LUZP2: variants seen among roughly 807,000 people sequenced by gnomAD.
LUZP2 encodes the protein leucine zipper protein 2.
A neutral mutation model predicts 51.6 loss-of-function variants in LUZP2; 52 were observed. The observed-to-expected ratio is 1.01, with a 90% confidence interval of 0.81 to 1.27. The LOEUF (loss-of-function observed/expected upper bound fraction) is 1.27. LUZP2 is among the 50% of genes most tolerant of loss of function. LUZP2 has a pLI of 0.00. For synonymous variants in LUZP2, 154 were observed against 137.3 expected, an observed-to-expected ratio of 1.12 and a Z score of -0.85; for missense variants, 436 against 395.4, an observed-to-expected ratio of 1.10 and a Z score of -0.87.
At chr11:24,770,448 C>G (rs1045540429) in intron 5 of LUZP2, among the ~76,000 whole-genome samples, 1 of 152,100 alleles carries the variant, frequency 6.6e-6, no homozygotes, top group African/African-American at 2.4e-5. Context: ...TCCTTTCTTT[C>G]AAGTCTCTCA....
chr11:24,793,831 G>T (rs1024490895), intron 5 of LUZP2, among the ~76,000 whole-genome samples: 1 of 152,030 alleles, frequency 6.6e-6, no homozygotes, highest in Non-Finnish European at 1.5e-5. Context: ...GGTTTTGTTA[G>T]CTGTCTTGAG....
intron 9 of LUZP2, among the ~76,000 whole-genome samples, chr11:25,038,930 T>C (rs1857949161): frequency 6.6e-6 from 1 of 152,190 alleles, no homozygotes; most frequent in Non-Finnish European, 1.5e-5. Context: ...TTTGGTGCTA[T>C]ATTTGGACTG....
intron 5 of LUZP2, among the ~76,000 whole-genome samples, chr11:24,865,703 T>A (rs1247955281): frequency 1.7e-5 from 2 of 118,812 alleles, no homozygotes; most frequent in African/African-American, 5.9e-5. Flanking sequence ...ATATGTTATA[T>A]GTTTGTGTAT....
At chr11:24,936,669 G>T (rs1468733248) in intron 7 of LUZP2, among the ~76,000 whole-genome samples, 1 of 151,766 alleles carries the variant, frequency 6.6e-6, no homozygotes, top group Non-Finnish European at 1.5e-5. Flanking sequence ...AGTAATGTGT[G>T]TTTTTCCCCA....
Position 24,963,827 on chromosome 11 carries a change from T to C in LUZP2, c.523-12764T>C, listed in dbSNP as rs914516814. On this transcript the variant is annotated intron_variant, in intron 7 of 11. Transcript: ENST00000336930. ...AGTGAGATGAACCCGGTACCTCAGA[T>C]GGAAATGCAGAAATCACCCGTCTTC... 2.6e-5 allele frequency among the ~76,000 whole-genome samples: 4 copies of C among 152,220 alleles called. No individual in the cohort carries two copies. The East Asian group carries it at 7.8e-4, about 30-fold the overall frequency.
At chr11:24,788,989 G>A (rs763453979) in intron 5 of LUZP2, among the ~76,000 whole-genome samples, 1 of 152,058 alleles carries the variant, frequency 6.6e-6, no homozygotes, top group Non-Finnish European at 1.5e-5. Context: ...CAAACTTCTG[G>A]GCACTGTGTC....
intron 5 of LUZP2, among the ~76,000 whole-genome samples, chr11:24,880,299 C>T (rs556534629): frequency 1.2e-4 from 18 of 152,304 alleles, no homozygotes; most frequent in African/African-American, 3.6e-4. Context: ...ACTCTCTCCA[C>T]GCCATGAGGC....
At chr11:25,077,935 A>G (rs560472735) in intron 11 of LUZP2, among the ~76,000 whole-genome samples, 36 of 152,232 alleles carry the variant, frequency 2.4e-4, no homozygotes, top group South Asian at 4.2e-4. Context: ...TGGCTTGACT[A>G]TATGAGGCTC....
intron 7 of LUZP2, among the ~76,000 whole-genome samples, chr11:24,933,518 G>T (rs998503808): frequency 6.6e-6 from 1 of 152,062 alleles, no homozygotes; most frequent in African/African-American, 2.4e-5. Flanking sequence ...TATCTATCAG[G>T]CACTGAGAAA....
chr11:24,517,473 C>G (rs1198412781), intron 1 of LUZP2, among the ~76,000 whole-genome samples: 8 of 82,690 alleles, frequency 9.7e-5, no homozygotes, highest in South Asian at 4.2e-4. Flanking sequence ...GTGACAGAGC[C>G]AGACGCCGTC....
chr11:24,691,477 T>A (rs574840186), intron 1 of LUZP2, among the ~76,000 whole-genome samples: 1 of 72,748 alleles, frequency 1.4e-5, no homozygotes, highest in African/African-American at 3.9e-5. Flanking sequence ...TCATATTCTG[T>A]TTTTTTTTTT....
rs1851158927 is a variant in LUZP2, at chr11:24,535,787, G to A, written c.62+38482G>A. Among the ~76,000 whole-genome samples the A allele has an allele frequency of 7.3e-5, 11 of 151,698 alleles. No homozygotes were observed. In the South Asian group the frequency reaches 2.3e-3, roughly 32 times the overall value. ...CCTCATAATTTGACCTCCCCACTGT[G>A]ACTTACAAATGTTCTTAATGGCATC... is the stretch of plus-strand genomic sequence containing the variant. On this transcript the variant is annotated intron_variant, in intron 1 of 11. Transcript: ENST00000336930.
rs925720638 is a variant in LUZP2 at position 24,640,927 on chromosome 11, A to G, written c.63-88242A>G. On this transcript the variant is annotated intron_variant, in intron 1 of 11. Coordinates refer to ENST00000336930, the MANE Select transcript of LUZP2 (RefSeq NM_001009909.4). ...AGGTGGTACTACAAAGTTTTAATAT[A>G]TATATGTATGTATGTGTATATCTAT... Among the ~76,000 whole-genome samples, 7 of 151,224 alleles carry G rather than the reference A, an allele frequency of 4.6e-5. 1 individual carries two copies. Among genetic ancestry groups the G allele is most frequent in the Admixed American group, 2.0e-4 (3 of 15,118 alleles).
chr11:24,641,319 G>A (rs551465007), intron 1 of LUZP2, among the ~76,000 whole-genome samples: 2 of 151,864 alleles, frequency 1.3e-5, no homozygotes, highest in Admixed American at 1.3e-4. Context: ...ACAACTTGCA[G>A]TTGATATTTT....
intron 8 of LUZP2, among the ~76,000 whole-genome samples, chr11:24,980,757 G>A (rs973179584): frequency 1.3e-5 from 2 of 151,692 alleles, no homozygotes; most frequent in Non-Finnish European, 2.9e-5. Flanking sequence ...AATAGTTTGT[G>A]AGCTGAGACA....
intron 1 of LUZP2, among the ~76,000 whole-genome samples, chr11:24,595,726 C>T (rs920682718): frequency 6.6e-6 from 1 of 152,108 alleles, no homozygotes; most frequent in Non-Finnish European, 1.5e-5. Flanking sequence ...AGAGATGATG[C>T]AGGACTGTAA....
rs938699150 is a variant in LUZP2 at position 24,868,850 on chromosome 11, A to T, written c.397-37141A>T. 3.3e-5 allele frequency among the ~76,000 whole-genome samples: 5 copies of T among 152,172 alleles called. 1 individual carries two copies. The South Asian group carries it at 6.2e-4, about 19-fold the overall frequency. ...AGCACATTTACATAATCCATATCAA[A>T]GACAATCAGGTATTAAAAATCAGGA... On this transcript the variant is annotated intron_variant, in intron 5 of 11. Transcript: ENST00000336930.
intron 7 of LUZP2, among the ~76,000 whole-genome samples, chr11:24,926,261 GTATA>G (rs1194771046): frequency 0.017 from 921 of 53,448 alleles, 22 homozygotes; most frequent in South Asian, 0.078. Context: ...ATACGTGTGT[GTATA>G]TATATACGTG....
chr11:25,066,560 G>A (rs1339322001), intron 10 of LUZP2, among the ~76,000 whole-genome samples: 1 of 151,904 alleles, frequency 6.6e-6, no homozygotes, highest in Non-Finnish European at 1.5e-5. Flanking sequence ...GATCTTAAGT[G>A]TTATTTAGCT....
Sources: gnomAD v4.1 joint callset for allele counts (sites outside exome capture counted in the v4.1 genomes callset) on GRCh38, gnomAD v4.1.1 for gene constraint, MANE v1.5 for transcripts, NCBI Gene and HGNC (gene_info 2026-07-23, HGNC 2026-07-21) for gene names.